KCNH8: variants seen among roughly 807,000 people sequenced by gnomAD.
KCNH8 encodes the protein voltage-gated delayed rectifier potassium channel KCNH8.
A neutral mutation model predicts 103.6 loss-of-function variants in KCNH8; 70 were observed. That is an observed-to-expected ratio of 0.68 (90% CI 0.56 to 0.82). The LOEUF (loss-of-function observed/expected upper bound fraction) is 0.82, where lower values mean the gene tolerates loss of function less well. Among genes scored for constraint, KCNH8 ranks in the 40% least tolerant of loss-of-function variants. KCNH8 has a pLI of 0.00. For synonymous variants in KCNH8, 498 were observed against 489.4 expected, an observed-to-expected ratio of 1.02 and a Z score of -0.23; for missense variants, 1,217 against 1,329.9, an observed-to-expected ratio of 0.92 and a Z score of 1.32.
At chr3:19,260,742 C>G (rs1360527736) in intron 2 of KCNH8, among the ~76,000 whole-genome samples, 6 of 148,222 alleles carry the variant, frequency 4.0e-5, no homozygotes, top group Non-Finnish European at 9.0e-5. Flanking sequence ...ATCCTTTGAA[C>G]TGCATCCCCC....
At chr3:19,244,897 C>A (rs1440187551) in intron 1 of KCNH8, among the ~76,000 whole-genome samples, 1 of 150,688 alleles carries the variant, frequency 6.6e-6, no homozygotes, top group Admixed American at 6.6e-5. Context: ...TTGCAAATAG[C>A]TTCTTTCATT....
chr3:19,342,786 G>A (rs1402370080), intron 4 of KCNH8, 72 bp downstream of exon 4: 1 of 1,425,152 alleles, frequency 7.0e-7, no homozygotes, highest in East Asian at 2.6e-5. Context: ...GCTAAAGAAA[G>A]GCCTCAATTA....
At chr3:19,387,777 A>G (rs1002866885) in intron 5 of KCNH8, among the ~76,000 whole-genome samples, 5 of 152,252 alleles carry the variant, frequency 3.3e-5, no homozygotes, top group Middle Eastern at 3.4e-3. Context: ...TTCTTTTACT[A>G]TTATCTCTTT....
chr3:19,438,218 C>CAA lies in KCNH8; in HGVS notation c.1232_1233insAA (p.Leu412ThrfsTer19). 1 of 1,614,022 alleles carries CAA rather than the reference C, an allele frequency of 6.2e-7. No individual in the cohort carries two copies. Among genetic ancestry groups the CAA allele is most frequent in the Non-Finnish European group, 8.5e-7 (1 of 1,179,994 alleles). On this transcript the variant is annotated frameshift_variant, in exon 8 of 16. Coordinates refer to ENST00000328405, the MANE Select transcript of KCNH8 (RefSeq NM_144633.3). LOFTEE classifies it high-confidence loss of function. ...GAATCTCCATACTATGGCAACAATA[C>CAA]CTTGGGGGGCCCGTCGATCCGAAGT...
At chr3:19,401,575 G>T (rs908006344) in intron 7 of KCNH8, among the ~76,000 whole-genome samples, 1 of 151,768 alleles carries the variant, frequency 6.6e-6, no homozygotes, top group African/African-American at 2.4e-5. Context: ...TTTTCATAAG[G>T]GCTTCTAGAA....
intron 12 of KCNH8, 104 bp downstream of exon 12, chr3:19,510,505 T>C (rs2068765451): frequency 1.3e-6 from 1 of 772,732 alleles, no homozygotes; most frequent in Non-Finnish European, 2.3e-6. Context: ...TATCTTTTAC[T>C]TTCCCTACTT....
At chr3:19,310,296 A>G (rs2065191564) in intron 3 of KCNH8, among the ~76,000 whole-genome samples, 2 of 151,904 alleles carry the variant, frequency 1.3e-5, no homozygotes, top group African/African-American at 4.8e-5. Flanking sequence ...CATTGTATTC[A>G]TTAGATCTTT....
Position 19,148,624 on chromosome 3 carries a change from C to G in KCNH8, c.-96C>G. On this transcript the variant is annotated 5_prime_UTR_variant, in exon 1 of 16. Coordinates refer to ENST00000328405, the MANE Select transcript of KCNH8 (RefSeq NM_144633.3). ...CGTCAGGCCGGGTCCCCCTTCCCTG[C>G]CGTCATCAGGTTCCCCTTCTCCCTT... 1.7e-6 allele frequency: 2 copies of G among 1,202,292 alleles called. No homozygotes were observed. Among genetic ancestry groups the G allele is most frequent in the East Asian group, 2.3e-5 (1 of 43,002 alleles). 74.5% of individuals were successfully genotyped at this position (1,202,292 alleles called of 1,614,324 possible). A position where few individuals can be genotyped will look rare whatever the true frequency, so the allele number is the denominator to read the frequency against.
At chr3:19,333,245 A>G (rs937842931) in intron 3 of KCNH8, among the ~76,000 whole-genome samples, 1 of 152,252 alleles carries the variant, frequency 6.6e-6, no homozygotes, top group Middle Eastern at 3.4e-3. Flanking sequence ...TATATTCTAC[A>G]TCTAAGTCCT....
chr3:19,496,833 T>C (rs1354593120), intron 11 of KCNH8, among the ~76,000 whole-genome samples: 1 of 152,180 alleles, frequency 6.6e-6, no homozygotes, highest in Non-Finnish European at 1.5e-5. Context: ...CACCTGTTTT[T>C]GGTTGGTTGG....
intron 1 of KCNH8, among the ~76,000 whole-genome samples, chr3:19,226,234 TAC>T (rs2063929959): frequency 6.6e-6 from 1 of 152,248 alleles, no homozygotes; most frequent in Admixed American, 6.5e-5. Flanking sequence ...AAGCAGTGTC[TAC>T]TACAGTTAGC....
At chr3:19,198,181 G>A (rs999131076) in intron 1 of KCNH8, among the ~76,000 whole-genome samples, 3 of 152,048 alleles carry the variant, frequency 2.0e-5, no homozygotes, top group Non-Finnish European at 4.4e-5. Flanking sequence ...AATCTTCAGA[G>A]CATTTAACAC....
chr3:19,495,714 A>AT (rs531725941), intron 11 of KCNH8, among the ~76,000 whole-genome samples: 5,782 of 147,890 alleles, frequency 0.039, 139 homozygotes, highest in Middle Eastern at 0.14. Context: ...ACAAATTTAA[A>AT]TTTTTTTTTT....
intron 1 of KCNH8, among the ~76,000 whole-genome samples, chr3:19,180,270 GGCC>G (rs2063438830): frequency 2.0e-5 from 3 of 146,976 alleles, no homozygotes; most frequent in Non-Finnish European, 4.5e-5. Flanking sequence ...CCCTTCAAAG[GGCC>G]AAGACAGACT....
At chr3:19,385,904 CATTA>C (rs2066349942) in intron 5 of KCNH8, among the ~76,000 whole-genome samples, 1 of 152,138 alleles carries the variant, frequency 6.6e-6, no homozygotes, top group African/African-American at 2.4e-5. Flanking sequence ...TAAATGAAGA[CATTA>C]ATTATTTGTA....
At chr3:19,244,318 C>G (rs1187771841) in intron 1 of KCNH8, among the ~76,000 whole-genome samples, 2 of 152,098 alleles carry the variant, frequency 1.3e-5, no homozygotes, top group East Asian at 3.8e-4. Context: ...AAAGTTTGAC[C>G]ACATTTTATT....
chr3:19,407,368 A>G (rs1044196425), intron 7 of KCNH8, among the ~76,000 whole-genome samples: 18 of 152,222 alleles, frequency 1.2e-4, no homozygotes, highest in Admixed American at 2.6e-4. Context: ...GGAGCCCCCA[A>G]TTGCCTGGTT....
At chr3:19,412,748 A>T (rs1164070827) in intron 7 of KCNH8, among the ~76,000 whole-genome samples, 2 of 152,072 alleles carry the variant, frequency 1.3e-5, no homozygotes, top group African/African-American at 4.8e-5. Context: ...TGAAGAGAAG[A>T]CATACACATG....
intron 1 of KCNH8, among the ~76,000 whole-genome samples, chr3:19,178,188 A>AT (rs1012081214): frequency 4.6e-5 from 7 of 151,850 alleles, no homozygotes; most frequent in African/African-American, 1.5e-4. Flanking sequence ...TAAAAAAAAA[A>AT]TTACTTATTT....
Sources: gnomAD v4.1 joint callset for allele counts (sites outside exome capture counted in the v4.1 genomes callset) on GRCh38, gnomAD v4.1.1 for gene constraint, MANE v1.5 for transcripts, NCBI Gene and HGNC (gene_info 2026-07-23, HGNC 2026-07-21) for gene names.